The following WNT3A variants were observed in gnomAD, a reference collection of about 807,000 sequenced individuals.
WNT3A encodes protein Wnt-3a.
Under a neutral mutation model 37.0 loss-of-function variants are expected in WNT3A, and 17 were observed. That is an observed-to-expected ratio of 0.46 (90% CI 0.31 to 0.69). The LOEUF is 0.69. Among genes scored for constraint, WNT3A ranks in the 30% least tolerant of loss-of-function variants. WNT3A has a pLI of 0.05. For synonymous variants in WNT3A, 187 were observed against 211.0 expected (o/e 0.89, Z 0.99); for missense variants, 411 against 510.2 (o/e 0.81, Z 1.87).
At chr1:228,054,390 C>G (rs2031622034) in intron 3 of WNT3A, among the ~76,000 whole-genome samples, 1 of 151,780 alleles carries the variant, frequency 6.6e-6, no homozygotes, top group South Asian at 2.1e-4. Flanking sequence ...TTTGGGAGGC[C>G]GAGGTGGGCG....
Position 228,060,514 on chromosome 1 carries a change from A to G in WNT3A, c.*1049A>G. Reference sequence around the variant, plus strand: ...AGACCAAGCTTAGTCCTGGGAGAGGACAGGGACTTCGCAGAGGCAAGCGAC... The same window carrying G: ...AGACCAAGCTTAGTCCTGGGAGAGGGCAGGGACTTCGCAGAGGCAAGCGAC... On this transcript the variant is annotated 3_prime_UTR_variant, in exon 4 of 4. Transcript: ENST00000284523. The G allele has an allele frequency of 3.1e-6, 1 of 323,118 alleles. No individual in the cohort carries two copies. The highest frequency in any genetic ancestry group is 6.0e-6 in the Non-Finnish European group (1 of 165,978). 20.0% of individuals were successfully genotyped at this position (323,118 alleles called of 1,614,324 possible).
At chr1:228,020,258 G>C (rs2030665244) in intron 1 of WNT3A, among the ~76,000 whole-genome samples, 1 of 152,232 alleles carries the variant, frequency 6.6e-6, no homozygotes, top group African/African-American at 2.4e-5. Context: ...GCAGTCCTGG[G>C]CGAAGCAGAC....
chr1:228,057,971 G>C (rs1225864345), intron 3 of WNT3A, among the ~76,000 whole-genome samples: 1 of 152,090 alleles, frequency 6.6e-6, no homozygotes, highest in Non-Finnish European at 1.5e-5. Context: ...CAAGTAGCTG[G>C]GATCACAGGT....
intron 2 of WNT3A, among the ~76,000 whole-genome samples, chr1:228,026,804 T>C (rs1029605001): frequency 4.6e-5 from 7 of 152,234 alleles, no homozygotes; most frequent in African/African-American, 1.7e-4. Context: ...ATCCTGTTAA[T>C]GTCTGAGTAG....
In WNT3A at chr1:228,038,118, G is replaced by A. The variant is rs894153893; in HGVS notation, c.314-12538G>A. On this transcript the variant is annotated intron_variant, in intron 2 of 3. Coordinates refer to ENST00000284523, the MANE Select transcript of WNT3A (RefSeq NM_033131.4). The surrounding 1 kb of genome is among the most constrained non-coding windows in gnomAD (Gnocchi z 5.7). Reference sequence around the variant, plus strand: ...TCAGGGGCCGTGGCCGCGGTGGGGCGCGGGCCGCATTCCGCTCTCAGGTGG... The same window carrying A: ...TCAGGGGCCGTGGCCGCGGTGGGGCACGGGCCGCATTCCGCTCTCAGGTGG... Among the ~76,000 whole-genome samples, 1 of 152,000 alleles carries A rather than the reference G, an allele frequency of 6.6e-6. No homozygotes were observed. Among genetic ancestry groups the A allele is most frequent in the Admixed American group, 6.6e-5 (1 of 15,264 alleles).
chr1:228,013,483 C>T (rs917758992), intron 1 of WNT3A, among the ~76,000 whole-genome samples: 3 of 152,214 alleles, frequency 2.0e-5, no homozygotes, highest in Non-Finnish European at 2.9e-5. Flanking sequence ...GCACAGGAGC[C>T]GCTGTGCCTG....
chr1:228,046,248 C>A (rs1372984547), intron 2 of WNT3A, among the ~76,000 whole-genome samples: 1 of 152,148 alleles, frequency 6.6e-6, no homozygotes, highest in South Asian at 2.1e-4. Context: ...TAGTGTGTTG[C>A]GAGGGAGAGG....
At chr1:228,025,405 G>C (rs2030827829) in intron 2 of WNT3A, among the ~76,000 whole-genome samples, 1 of 152,200 alleles carries the variant, frequency 6.6e-6, no homozygotes, top group South Asian at 2.1e-4. Context: ...CTGGAGTGCA[G>C]TGGCATGATC....
chr1:228,045,702 A>C (rs1393808094), intron 2 of WNT3A, among the ~76,000 whole-genome samples: 1 of 152,148 alleles, frequency 6.6e-6, no homozygotes, highest in Non-Finnish European at 1.5e-5. Flanking sequence ...GGGGGCTTTA[A>C]GTTTCTTGGA....
intron 1 of WNT3A, among the ~76,000 whole-genome samples, chr1:228,016,671 G>A (rs1344947652): frequency 3.3e-5 from 5 of 152,178 alleles, no homozygotes; most frequent in Non-Finnish European, 7.3e-5. Context: ...ATAAAGGAAT[G>A]CCTGAGACTG....
chr1:228,056,430 T>A (rs895676572), intron 3 of WNT3A, among the ~76,000 whole-genome samples: 4 of 152,042 alleles, frequency 2.6e-5, no homozygotes, highest in African/African-American at 7.2e-5. Context: ...ACATTCAGGT[T>A]ACAAAAGAGC....
rs139604198 is a variant in WNT3A at position 228,055,658 on chromosome 1, G to A, written c.580-3328G>A. On this transcript the variant is annotated intron_variant, in intron 3 of 3. Transcript: ENST00000284523. ...ATACTCAAGCAGACTCAAGAAAACT[G>A]AGTCTTAAGCCAGTAGAGAAGAAAT... 3.9e-3 allele frequency among the ~76,000 whole-genome samples: 590 copies of A among 152,298 alleles called. 4 individuals are homozygous for A. Among genetic ancestry groups the A allele is most frequent in the Non-Finnish European group, 6.1e-3 (412 of 68,030 alleles).
chr1:228,007,136 C>G lies in WNT3A; in HGVS notation c.8C>G (p.Pro3Arg). 2 of 1,590,112 alleles carry G rather than the reference C, an allele frequency of 1.3e-6. No individual in the cohort carries two copies. Among genetic ancestry groups the G allele is most frequent in the Non-Finnish European group, 1.7e-6 (2 of 1,169,614 alleles). The change falls in exon 1 of 4, where the codon CCA becomes CGA. Residue 3 changes from proline to arginine, a missense_variant. By Grantham distance (103) the Pro-to-Arg change is moderately radical (BLOSUM62 -2). Coordinates refer to ENST00000284523, the MANE Select transcript of WNT3A (RefSeq NM_033131.4). The surrounding 1 kb of genome is among the most constrained non-coding windows in gnomAD (Gnocchi z 6.0). ...GCGCCCTCTCGCGCGGCGATGGCCC[C>G]ACTCGGATACTTCTTACTCCTCTGC... MA[P>R]LGYFLLLCSL...
Position 228,029,514 on chromosome 1 carries a change from G to A in WNT3A, c.313+6606G>A, listed in dbSNP as rs937906677. ...ACTCAGACAAAGCGAGACAGGTCACGCTGGGAAAGTCCTCCCAGGGACCTT... is the reference window on the plus strand; with the variant it reads ...ACTCAGACAAAGCGAGACAGGTCACACTGGGAAAGTCCTCCCAGGGACCTT... On this transcript the variant is annotated intron_variant, in intron 2 of 3. Transcript: ENST00000284523. Among the ~76,000 whole-genome samples the A allele has an allele frequency of 4.6e-5, 7 of 152,186 alleles. No homozygotes were observed. The East Asian group carries it at 5.8e-4, about 13-fold the overall frequency.
chr1:228,022,638 C>T (rs778112496), intron 1 of WNT3A, 29 bp from the exon 2 acceptor site: 2 of 1,597,738 alleles, frequency 1.3e-6, no homozygotes, highest in Non-Finnish European at 1.7e-6. Context: ...CCCAGCCCCA[C>T]ACTCACCACC....
chr1:228,057,321 G>A (rs1455281546), intron 3 of WNT3A, among the ~76,000 whole-genome samples: 1 of 152,120 alleles, frequency 6.6e-6, no homozygotes, highest in African/African-American at 2.4e-5. Context: ...ACCCACCATG[G>A]CTAGAGGCCA....
At chr1:228,020,072 A>G (rs2030658131) in intron 1 of WNT3A, among the ~76,000 whole-genome samples, 2 of 152,186 alleles carry the variant, frequency 1.3e-5, no homozygotes, top group Non-Finnish European at 2.9e-5. Context: ...AAAAATACAA[A>G]CATTAGCCAG....
At chr1:228,046,289 T>A (rs139958843) in intron 2 of WNT3A, among the ~76,000 whole-genome samples, 2 of 151,452 alleles carry the variant, frequency 1.3e-5, no homozygotes, top group African/African-American at 2.4e-5. Flanking sequence ...TGTGTTTGCA[T>A]GTGTGTGGTG....
At chr1:228,058,883 G>A (rs1434254307) in intron 3 of WNT3A, 103 bp from the exon 4 acceptor site, 8 of 1,205,652 alleles carry the variant, frequency 6.6e-6, no homozygotes, top group Non-Finnish European at 8.0e-6. Flanking sequence ...TCTGCCCGGG[G>A]GCTTTATGGA....
Sources: gnomAD v4.1 joint callset for allele counts (sites outside exome capture counted in the v4.1 genomes callset) on GRCh38, gnomAD v4.1.1 for gene constraint, Gnocchi (gnomAD v3.1) non-coding constraint, MANE v1.5 for transcripts, NCBI Gene and HGNC (gene_info 2026-07-23, HGNC 2026-07-21) for gene names.